Variants in AGMO observed in about 807,000 individuals in gnomAD.
The protein encoded by AGMO is glyceryl-ether monooxygenase.
Under a neutral mutation model 60.2 loss-of-function variants are expected in AGMO, and 75 were observed. The observed-to-expected ratio is 1.25, with a 90% CI of 1.03 to 1.51. The LOEUF (loss-of-function observed/expected upper bound fraction) is 1.51, where lower values mean the gene tolerates loss of function less well. Among genes scored for constraint, AGMO ranks in the 40% most tolerant of loss-of-function variants. The pLI, the probability that AGMO is intolerant of heterozygous loss-of-function variation, is 0.00. For synonymous variants in AGMO, 261 were observed against 177.1 expected (o/e 1.47, Z -3.76); for missense variants, 763 against 525.5 (o/e 1.45, Z -4.42).
At chr7:15,478,815 TTCAAG>T (rs761949309) in intron 3 of AGMO, among the ~76,000 whole-genome samples, 2 of 152,188 alleles carry the variant, frequency 1.3e-5, no homozygotes, top group African/African-American at 2.4e-5. Flanking sequence ...CTCTTTCATT[TTCAAG>T]TTAATGATTT....
intron 10 of AGMO, among the ~76,000 whole-genome samples, chr7:15,375,648 C>T (rs1175373416): frequency 2.6e-5 from 4 of 152,046 alleles, no homozygotes; most frequent in East Asian, 3.9e-4. Context: ...CCACCCACCT[C>T]GGCCTCCTAA....
intron 3 of AGMO, among the ~76,000 whole-genome samples, chr7:15,438,312 A>G (rs1054192663): frequency 3.9e-5 from 6 of 151,952 alleles, no homozygotes; most frequent in Non-Finnish European, 8.8e-5. Context: ...AAAGCTTATC[A>G]TGTAGGGAAT....
intron 6 of AGMO, among the ~76,000 whole-genome samples, chr7:15,393,072 A>C (rs183793353): frequency 6.6e-6 from 1 of 152,234 alleles, no homozygotes; most frequent in Non-Finnish European, 1.5e-5. Flanking sequence ...CATCACTGTG[A>C]AAGTCGAAGA....
chr7:15,366,623 T>C (rs772160025), intron 10 of AGMO, among the ~76,000 whole-genome samples: 2 of 152,070 alleles, frequency 1.3e-5, no homozygotes, highest in Non-Finnish European at 2.9e-5. Flanking sequence ...ATGCAAAGCT[T>C]TCTCTAATAT....
At chr7:15,297,007 G>A (rs1002012199) in intron 12 of AGMO, among the ~76,000 whole-genome samples, 4 of 151,786 alleles carry the variant, frequency 2.6e-5, no homozygotes, top group Admixed American at 6.6e-5. Flanking sequence ...ATAATATTAC[G>A]GCTATTCATA....
chr7:15,168,485 C>A, the AGMO span, among the ~76,000 whole-genome samples: 1 of 152,184 alleles, frequency 6.6e-6, no homozygotes, highest in African/African-American at 2.4e-5. Context: ...CAAATTATTA[C>A]CATGCATCCA....
chr7:15,266,785 T>TAA (rs538896860), intron 12 of AGMO, among the ~76,000 whole-genome samples: 3 of 149,254 alleles, frequency 2.0e-5, no homozygotes, highest in Non-Finnish European at 3.0e-5. Flanking sequence ...TTTAAGTATC[T>TAA]AAAAAAAAAA....
intron 12 of AGMO, among the ~76,000 whole-genome samples, chr7:15,255,931 C>T (rs1583333713): frequency 6.6e-6 from 1 of 152,074 alleles, no homozygotes; most frequent in Non-Finnish European, 1.5e-5. Flanking sequence ...AATGACTGAT[C>T]ATGGGATTCA....
At chr7:15,167,774 C>T in the AGMO span, among the ~76,000 whole-genome samples, 6 of 152,142 alleles carry the variant, frequency 3.9e-5, no homozygotes, top group African/African-American at 1.4e-4. Context: ...TGGCAATAAA[C>T]ATTTAAAATT....
the AGMO span, among the ~76,000 whole-genome samples, chr7:15,162,432 C>A: frequency 6.6e-6 from 1 of 152,116 alleles, no homozygotes; most frequent in African/African-American, 2.4e-5. Context: ...GTAGTTCATG[C>A]CTGTAATCCC....
intron 12 of AGMO, among the ~76,000 whole-genome samples, chr7:15,350,716 A>G (rs552310864): frequency 2.6e-5 from 4 of 152,296 alleles, no homozygotes; most frequent in Admixed American, 6.5e-5. Flanking sequence ...GGAATGAACA[A>G]ATTAGTCAAC....
At chr7:15,358,193 G>GT (rs1472415955) in intron 12 of AGMO, 1 of 191,692 alleles carries the variant, frequency 5.2e-6, no homozygotes, top group African/African-American at 2.4e-5. Context: ...AGTTTGGCAT[G>GT]TAACAGCTAC....
chr7:15,142,039 T>C, the AGMO span, among the ~76,000 whole-genome samples: 1 of 152,164 alleles, frequency 6.6e-6, no homozygotes, highest in African/African-American at 2.4e-5. Context: ...GCCTGATCCA[T>C]GAGGTATTCA....
At chr7:15,368,583 G>C (rs950968004) in intron 10 of AGMO, among the ~76,000 whole-genome samples, 2 of 152,074 alleles carry the variant, frequency 1.3e-5, no homozygotes, top group African/African-American at 4.8e-5. Flanking sequence ...CGTTTGGCAA[G>C]GACTGTAATC....
chr7:15,246,231 AAAAT>A (rs1460516967), intron 12 of AGMO, among the ~76,000 whole-genome samples: 1 of 151,998 alleles, frequency 6.6e-6, no homozygotes, highest in Non-Finnish European at 1.5e-5. Context: ...TCAAGTGGTT[AAAAT>A]AAATAAGCGT....
chr7:15,315,328 CTTTTTTTTTT>C (rs1178276622), intron 12 of AGMO, among the ~76,000 whole-genome samples: 16 of 48,198 alleles, frequency 3.3e-4, no homozygotes, highest in African/African-American at 8.3e-4. Flanking sequence ...TGGATATTTG[CTTTTTTTTTT>C]TTTTTTTTTT....
intron 3 of AGMO, among the ~76,000 whole-genome samples, chr7:15,535,456 T>C (rs1784463826): frequency 6.6e-6 from 1 of 151,940 alleles, no homozygotes; most frequent in Admixed American, 6.6e-5. Flanking sequence ...AGGAAATTAG[T>C]CAAACTCAAC....
chr7:15,204,176 T>C (rs903113700), intron 12 of AGMO, among the ~76,000 whole-genome samples: 3 of 152,094 alleles, frequency 2.0e-5, no homozygotes, highest in Non-Finnish European at 2.9e-5. Flanking sequence ...TTACATACAA[T>C]GTATAGATTC....
intron 12 of AGMO, among the ~76,000 whole-genome samples, chr7:15,216,594 AT>A (rs1268053320): frequency 6.6e-6 from 1 of 152,160 alleles, no homozygotes; most frequent in Non-Finnish European, 1.5e-5. Context: ...ATGATAAAAA[AT>A]AATGAAGTGT....
Sources: gnomAD v4.1 joint callset for allele counts (sites outside exome capture counted in the v4.1 genomes callset) on GRCh38, gnomAD v4.1.1 for gene constraint, MANE v1.5 for transcripts, NCBI Gene and HGNC (gene_info 2026-07-23, HGNC 2026-07-21) for gene names.